ARAP3: variants seen among roughly 807,000 people sequenced by gnomAD.
ARAP3 encodes the protein arf-GAP with Rho-GAP domain, ANK repeat and PH domain-containing protein 3.
A neutral mutation model predicts 169.2 loss-of-function variants in ARAP3; 82 were observed. The ratio of observed to expected loss-of-function variants is 0.48; its 90% confidence interval spans 0.41 to 0.58. ARAP3 has a LOEUF of 0.58. ARAP3 is among the 20% of genes least tolerant of loss of function. ARAP3 has a pLI of 0.00. For synonymous variants in ARAP3, 791 were observed against 800.3 expected (o/e 0.99, Z 0.20); for missense variants, 1,764 against 2,018.0 (o/e 0.87, Z 2.41).
chr5:141,680,237 T>G lies in ARAP3; in HGVS notation c.250A>C (p.Ser84Arg). The G allele has an allele frequency of 6.2e-7, 1 of 1,613,858 alleles. No individual in the cohort carries two copies. The highest frequency in any genetic ancestry group is 1.7e-5 in the Admixed American group (1 of 59,994). Residue 84 changes from serine to arginine, a missense_variant, in exon 2 of 33, where the codon AGC (serine) becomes CGC (arginine). Ser to Arg is a moderately radical substitution (Grantham distance 110). Coordinates refer to ENST00000239440, the MANE Select transcript of ARAP3 (RefSeq NM_022481.6). ...GGGGGCTGGGCTTGCGGGGCTGGGC[T>G]GGGGGATGGTTCCATGGCACTATCT... ...KSDSAMEPSP[S>R]PAPQAQPPKP...
In ARAP3 at chr5:141,679,613, A is replaced by G. The variant is rs1303397990; in HGVS notation, c.630T>C (p.Pro210=). Residue 210 remains proline, a synonymous_variant, in exon 4 of 33, where the codon CCT becomes CCC. Coordinates refer to ENST00000239440, the MANE Select transcript of ARAP3 (RefSeq NM_022481.6). Reference sequence around the variant, plus strand: ...TGTCGGGGGCTCCTGGAGTCCCCACAGGTTGGACACCATAGTACAGGCAAC... The same window carrying G: ...TGTCGGGGGCTCCTGGAGTCCCCACGGGTTGGACACCATAGTACAGGCAAC... ...DPGCLYYGVQ[P]VGTPGAPDRR... The G allele has an allele frequency of 1.9e-6, 3 of 1,614,152 alleles. No individual in the cohort carries two copies. Among genetic ancestry groups the G allele is most frequent in the African/African-American group, 1.3e-5 (1 of 75,034 alleles).
intron 4 of ARAP3, 115 bp from the exon 5 acceptor site, chr5:141,673,923 G>A: frequency 1.2e-6 from 1 of 853,518 alleles, no homozygotes; most frequent in Non-Finnish European, 1.7e-6. Context: ...GGCAGGTACT[G>A]GATCTGATTT....
At chr5:141,663,525 G>C (rs1289439429) in intron 19 of ARAP3, among the ~76,000 whole-genome samples, 2 of 152,168 alleles carry the variant, frequency 1.3e-5, no homozygotes, top group East Asian at 3.8e-4. Flanking sequence ...CTGACCTCAG[G>C]TGATCCACCT....
chr5:141,654,135 G>A lies in ARAP3; in HGVS notation c.4450C>T (p.Gln1484Ter), dbSNP rs950205804. ...SPQARGSLEE[Q>*]LLQELSSLIL... The stretch of plus-strand genomic sequence containing the variant: ...AGGCTGCTGAGCTCCTGGAGCAGCT[G>A]TTCCTCTAGGGACCCCCGTGCCTGG... Residue 1484 changes from glutamine (Q) to a stop codon, truncating the protein, a stop_gained, in exon 33 of 33, where the codon CAG becomes TAG. Transcript: ENST00000239440. LOFTEE classifies it high-confidence loss of function. 2 of 1,613,160 alleles carry A rather than the reference G, an allele frequency of 1.2e-6. No individual in the cohort carries two copies. The highest frequency in any genetic ancestry group is 2.7e-5 in the African/African-American group (2 of 74,966).
At chr5:141,659,552 CTG>C (rs1333704749) in intron 22 of ARAP3, 76 bp from the exon 23 acceptor site, 6 of 1,518,428 alleles carry the variant, frequency 4.0e-6, no homozygotes, top group Non-Finnish European at 5.5e-6. Context: ...CAAGGAGGAC[CTG>C]TTTAAGAGGG....
At position 141,679,741 on chromosome 5, in the gene ARAP3, A is replaced by G. The variant is rs776774151; in HGVS notation, c.586+20T>C. The G allele has an allele frequency of 2.5e-6, 4 of 1,613,710 alleles. No individual in the cohort carries two copies. Among genetic ancestry groups the G allele is most frequent in the Admixed American group, 3.3e-5 (2 of 59,952 alleles). ...CTGCCGGCACTATCCCTCTCCCCCA[A>G]CCCGTGATAACCCAGTTACCTGTGC... On this transcript the variant is annotated intron_variant, in intron 3 of 32. Coordinates refer to ENST00000239440, the MANE Select transcript of ARAP3 (RefSeq NM_022481.6).
At position 141,654,407 on chromosome 5, in the gene ARAP3, T is replaced by A. The variant is rs2099908922; in HGVS notation, c.4178A>T (p.Glu1393Val). The A allele has an allele frequency of 6.2e-7, 1 of 1,604,552 alleles. No individual in the cohort carries two copies. The highest frequency in any genetic ancestry group is 8.5e-7 in the Non-Finnish European group (1 of 1,174,700). Reference protein sequence around the residue: ...FPMKSSQGSVEEQEELEEPVY... With the variant: ...FPMKSSQGSVVEQEELEEPVY... ...AGGCTCCTCCAGCTCCTCTTGCTCC[T>A]CCACAGACCCCTGGGATGACTTCAT... is the stretch of plus-strand genomic sequence containing the variant. Residue 1393 changes from glutamate to valine, a missense_variant, in exon 33 of 33, where the codon GAG (glutamate) becomes GTG (valine). Glu to Val is a moderately radical substitution (Grantham distance 121). Transcript: ENST00000239440.
intron 19 of ARAP3, among the ~76,000 whole-genome samples, chr5:141,663,555 C>G (rs1008119059): frequency 6.6e-6 from 1 of 152,232 alleles, no homozygotes; most frequent in African/African-American, 2.4e-5. Context: ...TCCCAAAGTG[C>G]TGGGATTACA....
intron 21 of ARAP3, 55 bp from the exon 22 acceptor site, chr5:141,659,981 TA>T (rs2099909716): frequency 1.3e-6 from 2 of 1,514,854 alleles, no homozygotes; most frequent in Non-Finnish European, 1.8e-6. Context: ...AGCAAACACT[TA>T]TTGAGTCCCT....
At chr5:141,666,711 TGA>T in intron 16 of ARAP3, 68 bp from the exon 17 acceptor site, 1 of 794,696 alleles carries the variant, frequency 1.3e-6, no homozygotes, top group East Asian at 3.3e-5. Flanking sequence ...GGGAGAGAAA[TGA>T]GAGTGACCGG....
At chr5:141,662,321 C>A in intron 19 of ARAP3, 66 bp from the exon 20 acceptor site, 1 of 1,514,296 alleles carries the variant, frequency 6.6e-7, no homozygotes, top group South Asian at 1.2e-5. Context: ...CACGGCCCAT[C>A]TGTGGCCTCC....
Position 141,673,153 on chromosome 5 carries a change from T to G in ARAP3, c.973-20A>C. 1 of 1,614,080 alleles carries G rather than the reference T, an allele frequency of 6.2e-7. No homozygotes were observed. Among genetic ancestry groups the G allele is most frequent in the Non-Finnish European group, 8.5e-7 (1 of 1,179,988 alleles). On this transcript the variant is annotated intron_variant, in intron 6 of 32. Coordinates refer to ENST00000239440, the MANE Select transcript of ARAP3 (RefSeq NM_022481.6). ...GGGGTCCTGGAGAGAGAGAGCTCAA[T>G]GACCCATGAGGACAGGAACTGAGCC...
Position 141,654,217 on chromosome 5 carries a change from A to T in ARAP3, c.4368T>A (p.Leu1456=). 6.2e-7 allele frequency: 1 copy of T among 1,614,118 alleles called. No individual in the cohort carries two copies. Among genetic ancestry groups the T allele is most frequent in the Non-Finnish European group, 8.5e-7 (1 of 1,180,008 alleles). The change falls in exon 33 of 33, where the codon CTT becomes CTA. Residue 1456 remains leucine, a synonymous_variant. Coordinates refer to ENST00000239440, the MANE Select transcript of ARAP3 (RefSeq NM_022481.6). ...DQPFLSKSST[L]GQEERPPEPP... ...GCTCAGGTGGCCTCTCCTCCTGGCC[A>T]AGGGTGCTTGACTTGGAGAGAAAGG...
At chr5:141,668,050 AAAT>A (rs1202422623) in intron 16 of ARAP3, among the ~76,000 whole-genome samples, 1 of 151,966 alleles carries the variant, frequency 6.6e-6, no homozygotes, top group African/African-American at 2.4e-5. Context: ...CTCAAAAAGA[AAAT>A]AATAATAATA....
chr5:141,655,635 C>T lies in ARAP3; in HGVS notation c.4096G>A (p.Ala1366Thr). 1 of 1,614,002 alleles carries T rather than the reference C, an allele frequency of 6.2e-7. No homozygotes were observed. The highest frequency in any genetic ancestry group is 8.5e-7 in the Non-Finnish European group (1 of 1,179,940). The part of the protein sequence containing the change: ...GDDSGATLLS[A>T]NQTLRRLHNR... ...GGGTGCCTTACCAGGGTCTGATTGGCAGAGAGGAGGGTGGCTCCACTGTCA... is the reference window on the plus strand; with the variant it reads ...GGGTGCCTTACCAGGGTCTGATTGGTAGAGAGGAGGGTGGCTCCACTGTCA... The change falls in exon 31 of 33, where the codon GCC becomes ACC. Residue 1366 changes from alanine (A) to threonine (T), a missense_variant. Ala to Thr is a moderately conservative substitution (Grantham distance 58). Transcript: ENST00000239440.
chr5:141,665,705 A>G (rs2099910535), intron 17 of ARAP3, among the ~76,000 whole-genome samples: 1 of 152,106 alleles, frequency 6.6e-6, no homozygotes. Flanking sequence ...CCCCTCTCCC[A>G]GGACCCAACC....
chr5:141,679,721 G>C, intron 3 of ARAP3, 40 bp downstream of exon 3: 1 of 1,613,984 alleles, frequency 6.2e-7, no homozygotes, highest in Non-Finnish European at 8.5e-7. Context: ...AGGTCCTGCC[G>C]GCACTATCCC....
Position 141,654,220 on chromosome 5 carries a change from G to T in ARAP3, c.4365C>A (p.Thr1455=). ...LDQPFLSKSS[T]LGQEERPPEP... is the part of the protein sequence containing the mutation. ...CAGGTGGCCTCTCCTCCTGGCCAAG[G>T]GTGCTTGACTTGGAGAGAAAGGGTT... The change falls in exon 33 of 33, where the codon ACC becomes ACA. Residue 1455 remains threonine (T), a synonymous_variant. Coordinates refer to ENST00000239440, the MANE Select transcript of ARAP3 (RefSeq NM_022481.6). 2.5e-6 allele frequency: 4 copies of T among 1,614,162 alleles called. No individual in the cohort carries two copies. Among genetic ancestry groups the T allele is most frequent in the Non-Finnish European group, 3.4e-6 (4 of 1,180,016 alleles).
At position 141,669,778 on chromosome 5, in the gene ARAP3, C is replaced by T. The variant is rs1413702194; in HGVS notation, c.2283G>A (p.Gly761=). The T allele has an allele frequency of 1.2e-6, 2 of 1,614,122 alleles. No individual in the cohort carries two copies. Among genetic ancestry groups the T allele is most frequent in the Non-Finnish European group, 8.5e-7 (1 of 1,180,018 alleles). The change falls in exon 16 of 33, where the codon GGG becomes GGA. Residue 761 remains glycine, a synonymous_variant. Coordinates refer to ENST00000239440, the MANE Select transcript of ARAP3 (RefSeq NM_022481.6). ...CTGTGCCAAAATGCTGGATCCTCCCCCCAGCGAGGATGAGCTCAAAGGAAA... is the reference window on the plus strand; with the variant it reads ...CTGTGCCAAAATGCTGGATCCTCCCTCCAGCGAGGATGAGCTCAAAGGAAA... ...FPFSFELILA[G]GRIQHFGTDG...
Sources: gnomAD v4.1 joint callset for allele counts (sites outside exome capture counted in the v4.1 genomes callset) on GRCh38, gnomAD v4.1.1 for gene constraint, MANE v1.5 for transcripts, NCBI Gene and HGNC (gene_info 2026-07-23, HGNC 2026-07-21) for gene names.